FOXP1: variants seen among roughly 807,000 people sequenced by gnomAD.
FOXP1 encodes forkhead box P1.
FOXP1 carries 15 observed loss-of-function variants against 98.2 expected under a neutral mutation model. The observed-to-expected ratio is 0.15, with a 90% CI of 0.10 to 0.24. The LOEUF (loss-of-function observed/expected upper bound fraction) is 0.24, where lower values mean the gene tolerates loss of function less well. Among genes scored for constraint, FOXP1 ranks in the 10% least tolerant of loss-of-function variants. The pLI is 1.00. For missense variants in FOXP1, 633 were observed against 848.5 expected (o/e 0.75, Z 3.15); for synonymous variants, 371 against 314.5 (o/e 1.18, Z -1.90).
intron 5 of FOXP1, among the ~76,000 whole-genome samples, chr3:71,230,117 G>C (rs867534745): frequency 6.6e-6 from 1 of 151,692 alleles, no homozygotes; most frequent in African/African-American, 2.4e-5. Flanking sequence ...ACACCACTGG[G>C]GAGGGGTGGG....
At chr3:70,978,169 AAC>A in intron 14 of FOXP1, 140 bp from the exon 15 acceptor site, 1 of 722,014 alleles carries the variant, frequency 1.4e-6, no homozygotes, top group Non-Finnish European at 2.5e-6. Context: ...CATGAACCGA[AAC>A]ACACGGTGAG....
At chr3:70,965,024 G>T (rs2034441155) in intron 20 of FOXP1, among the ~76,000 whole-genome samples, 1 of 152,214 alleles carries the variant, frequency 6.6e-6, no homozygotes, top group African/African-American at 2.4e-5. Context: ...GGAACTGACA[G>T]TACTGCAAAC....
At chr3:71,284,454 C>T (rs2071896393) in intron 5 of FOXP1, among the ~76,000 whole-genome samples, 1 of 152,056 alleles carries the variant, frequency 6.6e-6, no homozygotes, top group South Asian at 2.1e-4. Flanking sequence ...GTCTAAGCTA[C>T]TCGGGAGCTG....
rs1046600366 is a variant in FOXP1, at chr3:70,956,229, G to A, written c.*3018C>T. On this transcript the variant is annotated 3_prime_UTR_variant, in exon 21 of 21. Coordinates refer to ENST00000649528, the MANE Select transcript of FOXP1 (RefSeq NM_001349338.3). ...AGACAAAGATTCACACAGACACATCGGGATATATGTACAACGTAATAAACC... is the reference window on the plus strand; with the variant it reads ...AGACAAAGATTCACACAGACACATCAGGATATATGTACAACGTAATAAACC... The A allele has an allele frequency of 2.6e-5, 6 of 233,234 alleles. No individual in the cohort carries two copies. The East Asian group carries it at 3.0e-4, about 12-fold the overall frequency. 14.4% of individuals were successfully genotyped at this position (233,234 alleles called of 1,614,324 possible).
At chr3:70,968,522 T>C (rs961546415) in intron 19 of FOXP1, 2 of 152,100 alleles carry the variant, frequency 1.3e-5, no homozygotes, top group African/African-American at 4.8e-5. Context: ...GGTGCAGAAG[T>C]CCATAAGCAC....
intron 3 of FOXP1, among the ~76,000 whole-genome samples, chr3:71,404,095 A>G (rs1400667246): frequency 4.5e-5 from 4 of 89,310 alleles, no homozygotes; most frequent in African/African-American, 1.6e-4. Context: ...ATCCCCATGT[A>G]TTGGGGTTTT....
chr3:71,177,104 G>A (rs1372948434), intron 6 of FOXP1, among the ~76,000 whole-genome samples: 1 of 151,970 alleles, frequency 6.6e-6, no homozygotes, highest in Non-Finnish European at 1.5e-5. Flanking sequence ...GAAAACAAAG[G>A]CCTTCCAATC....
intron 5 of FOXP1, among the ~76,000 whole-genome samples, chr3:71,290,152 C>G (rs139226540): frequency 3.5e-4 from 54 of 152,246 alleles, no homozygotes; most frequent in Admixed American, 1.2e-3. Flanking sequence ...CCTTGCTTAC[C>G]TCCCCTACCT....
chr3:71,153,804 C>T (rs937280353), intron 6 of FOXP1, among the ~76,000 whole-genome samples: 3 of 152,166 alleles, frequency 2.0e-5, no homozygotes, highest in Non-Finnish European at 4.4e-5. Context: ...ACAAGTCAGA[C>T]AACCTAATGG....
intron 3 of FOXP1, among the ~76,000 whole-genome samples, chr3:71,475,019 T>C (rs2089699406): frequency 6.6e-6 from 1 of 152,050 alleles, no homozygotes; most frequent in Non-Finnish European, 1.5e-5. Flanking sequence ...TGCCATCCGC[T>C]GTGTCAGGCA....
At chr3:71,436,782 C>G (rs1430299559) in intron 3 of FOXP1, among the ~76,000 whole-genome samples, 1 of 152,046 alleles carries the variant, frequency 6.6e-6, no homozygotes, top group Non-Finnish European at 1.5e-5. Context: ...GCCAGCCAGG[C>G]AAGTGGTGAT....
At chr3:71,166,167 G>A (rs1576154115) in intron 6 of FOXP1, among the ~76,000 whole-genome samples, 1 of 152,166 alleles carries the variant, frequency 6.6e-6, no homozygotes, top group East Asian at 1.9e-4. Context: ...AGTATGTGCA[G>A]GGAGTCTTCC....
At chr3:70,963,837 CGTAGTGGTATCTGACT>C (rs2034141630) in intron 20 of FOXP1, among the ~76,000 whole-genome samples, 1 of 152,110 alleles carries the variant, frequency 6.6e-6, no homozygotes, top group African/African-American at 2.4e-5. Context: ...ACGAACGAAA[CGTAGTGGTATCTGACT>C]GTCACAGAAA....
intron 5 of FOXP1, among the ~76,000 whole-genome samples, chr3:71,229,358 T>C (rs1337060880): frequency 1.3e-5 from 2 of 152,194 alleles, no homozygotes; most frequent in Non-Finnish European, 2.9e-5. Context: ...ATCACTCAGC[T>C]TACTAGTATT....
At chr3:71,423,511 G>A (rs1476501656) in intron 3 of FOXP1, among the ~76,000 whole-genome samples, 3 of 152,186 alleles carry the variant, frequency 2.0e-5, no homozygotes, top group Admixed American at 6.5e-5. Flanking sequence ...TAGGATATCC[G>A]GGATTAGACC....
At chr3:71,234,814 C>T (rs964202380) in intron 5 of FOXP1, among the ~76,000 whole-genome samples, 1 of 152,086 alleles carries the variant, frequency 6.6e-6, no homozygotes, top group Admixed American at 6.5e-5. Context: ...GAGCCAGTGG[C>T]CCAGAGATAG....
chr3:71,332,721 G>C (rs1355860186), intron 4 of FOXP1: 1 of 152,304 alleles, frequency 6.6e-6, no homozygotes, highest in African/African-American at 2.4e-5. Context: ...CTGGGCAACA[G>C]GGCAAGACTC....
chr3:71,381,485 C>A (rs2080177170), intron 3 of FOXP1, among the ~76,000 whole-genome samples: 1 of 147,188 alleles, frequency 6.8e-6, no homozygotes, highest in African/African-American at 2.6e-5. Flanking sequence ...CTATGTCACC[C>A]AGGCTGGAGT....
At chr3:71,370,600 T>C (rs755556183) in intron 3 of FOXP1, among the ~76,000 whole-genome samples, 11 of 152,194 alleles carry the variant, frequency 7.2e-5, no homozygotes, top group Non-Finnish European at 1.5e-4. Context: ...CACTTTGCTA[T>C]AGCCCTTTAT....
Sources: allele counts gnomAD v4.1 joint callset (sites outside exome capture counted in the v4.1 genomes callset), GRCh38; gene constraint gnomAD v4.1.1; transcripts MANE v1.5; gene names NCBI Gene and HGNC (gene_info 2026-07-23, HGNC 2026-07-21).